MLLT10: variants seen among roughly 807,000 people sequenced by gnomAD.
MLLT10 encodes the protein protein AF-10.
MLLT10 carries 30 observed loss-of-function variants against 129.1 expected under a neutral mutation model. That is an observed-to-expected ratio of 0.23 (90% confidence interval 0.17 to 0.32). The LOEUF (loss-of-function observed/expected upper bound fraction) is 0.32. Ranked by LOEUF, MLLT10 falls within the 10% of genes least tolerant of loss-of-function variation. The pLI is 1.00. For missense variants in MLLT10, 1,119 were observed against 1,268.3 expected, an observed-to-expected ratio of 0.88 and a Z score of 1.79; for synonymous variants, 490 against 446.4, an observed-to-expected ratio of 1.10 and a Z score of -1.23.
intron 5 of MLLT10, among the ~76,000 whole-genome samples, chr10:21,603,850 A>G (rs887381691): frequency 1.3e-5 from 2 of 149,366 alleles, no homozygotes; most frequent in Non-Finnish European, 1.5e-5. Context: ...TAATCACCCT[A>G]ATCTCTGCTG....
intron 3 of MLLT10, among the ~76,000 whole-genome samples, chr10:21,545,366 C>G (rs1005514787): frequency 6.6e-5 from 10 of 151,662 alleles, no homozygotes; most frequent in African/African-American, 2.2e-4. Context: ...ACAGAGACAA[C>G]TAGGTGTTCA....
In MLLT10 at chr10:21,552,793, C is replaced by A. The variant is rs190977786; in HGVS notation, c.240+13881C>A. ...TTTTATCTTCTTTTCTGTTTATTTT[C>A]TTCTTCCTCTTCTTTCCGTCTCCTC... On this transcript the variant is annotated intron_variant, in intron 3 of 22. Coordinates refer to ENST00000307729, the MANE Select transcript of MLLT10 (RefSeq NM_001195626.3). Among the ~76,000 whole-genome samples the A allele has an allele frequency of 7.9e-5, 12 of 151,754 alleles. No homozygotes were observed. The East Asian group carries it at 2.3e-3, about 29-fold the overall frequency.
intron 3 of MLLT10, among the ~76,000 whole-genome samples, chr10:21,568,454 C>T (rs1163075142): frequency 1.3e-5 from 2 of 152,130 alleles, no homozygotes; most frequent in African/African-American, 4.8e-5. Flanking sequence ...TTGACTTCTG[C>T]TCTGATCTTT....
chr10:21,675,790 C>T (rs1464552912), intron 11 of MLLT10, among the ~76,000 whole-genome samples: 1 of 152,088 alleles, frequency 6.6e-6, no homozygotes, highest in Non-Finnish European at 1.5e-5. Flanking sequence ...GAAGCATAGT[C>T]TGGGAATTCC....
chr10:21,693,443 C>T (rs918916693), intron 13 of MLLT10, among the ~76,000 whole-genome samples: 5 of 151,846 alleles, frequency 3.3e-5, no homozygotes, highest in African/African-American at 2.4e-5. Flanking sequence ...TTTCATCAAT[C>T]GTGCTCTTAG....
At chr10:21,657,861 A>C (rs1185280677) in intron 9 of MLLT10, among the ~76,000 whole-genome samples, 1 of 152,142 alleles carries the variant, frequency 6.6e-6, no homozygotes, top group East Asian at 1.9e-4. Context: ...TGGTAAAATA[A>C]GTTAATTTTT....
chr10:21,603,034 T>C (rs368836716), intron 5 of MLLT10, among the ~76,000 whole-genome samples: 5 of 151,512 alleles, frequency 3.3e-5, no homozygotes, highest in Admixed American at 6.6e-5. Context: ...GCCCGGCCTA[T>C]CTTAACTCTT....
At chr10:21,556,404 T>G (rs1302499394) in intron 3 of MLLT10, among the ~76,000 whole-genome samples, 2 of 152,198 alleles carry the variant, frequency 1.3e-5, no homozygotes, top group African/African-American at 4.8e-5. Context: ...GATCACCTGT[T>G]TGGGGTTGAC....
At chr10:21,709,439 C>CA (rs1432353382) in intron 13 of MLLT10, among the ~76,000 whole-genome samples, 1 of 152,160 alleles carries the variant, frequency 6.6e-6, no homozygotes, top group East Asian at 1.9e-4. Flanking sequence ...CCATGTTGGC[C>CA]AGGCTGGTCT....
At position 21,626,065 on chromosome 10, in the gene MLLT10, C is replaced by T. The variant is rs529235291; in HGVS notation, c.699+8858C>T. 19 of 1,509,182 alleles carry T rather than the reference C, an allele frequency of 1.3e-5. No individual in the cohort carries two copies. The African/African-American group carries it at 2.5e-4, about 20-fold the overall frequency. The allele number at this position is 1,509,182 out of a possible 1,614,324, so 93.5% of individuals were successfully genotyped here. A position where few individuals can be genotyped will look rare whatever the true frequency, so the allele number is the denominator to read the frequency against. On this transcript the variant is annotated intron_variant, in intron 8 of 22. Coordinates refer to ENST00000307729, the MANE Select transcript of MLLT10 (RefSeq NM_001195626.3). Reference sequence around the variant, plus strand: ...CATTTCTCTCAAGCAAGGCCTTGATCTTCACTTCATCAGGTCCCTTTGTGG... The same window carrying T: ...CATTTCTCTCAAGCAAGGCCTTGATTTTCACTTCATCAGGTCCCTTTGTGG...
intron 8 of MLLT10, 63 bp from the exon 9 acceptor site, chr10:21,651,608 ATC>A: frequency 1.9e-6 from 2 of 1,064,360 alleles, no homozygotes; most frequent in Non-Finnish European, 2.8e-6. Context: ...TTATAAAAAA[ATC>A]TCTGTTGCAT....
intron 13 of MLLT10, among the ~76,000 whole-genome samples, chr10:21,697,135 A>C (rs1589694942): frequency 1.4e-5 from 2 of 138,354 alleles, no homozygotes; most frequent in South Asian, 4.9e-4. Flanking sequence ...GGGAGAATTT[A>C]TTAGGTGTGT....
chr10:21,592,546 C>G (rs1022049697), intron 4 of MLLT10, among the ~76,000 whole-genome samples: 3 of 152,046 alleles, frequency 2.0e-5, no homozygotes, highest in Non-Finnish European at 2.9e-5. Flanking sequence ...GGCTCCACCC[C>G]CCGGGGTTCA....
At chr10:21,634,738 A>C (rs899200781) in intron 8 of MLLT10, among the ~76,000 whole-genome samples, 1 of 152,174 alleles carries the variant, frequency 6.6e-6, no homozygotes, top group Non-Finnish European at 1.5e-5. Flanking sequence ...CCATCCATTC[A>C]CTAATCTCTC....
Position 21,732,912 on chromosome 10 carries a change from G to GA in MLLT10, c.2234dup (p.Ser746ValfsTer8). On this transcript the variant is annotated frameshift_variant, in exon 18 of 23. Coordinates refer to ENST00000307729, the MANE Select transcript of MLLT10 (RefSeq NM_001195626.3). LOFTEE classifies it high-confidence loss of function. The stretch of plus-strand genomic sequence containing the variant: ...AATGTGTGGTAGTTTTAGGAATGCT[G>GA]AAGTCATTACACCAACTTCAAGTTG... 6.2e-7 allele frequency: 1 copy of GA among 1,613,598 alleles called. No individual in the cohort carries two copies. Among genetic ancestry groups the GA allele is most frequent in the Non-Finnish European group, 8.5e-7 (1 of 1,179,832 alleles).
Position 21,673,707 on chromosome 10 carries a change from G to A in MLLT10, c.1409G>A (p.Gly470Glu), listed in dbSNP as rs1379804284. The A allele has an allele frequency of 5.0e-6, 8 of 1,613,974 alleles. No individual in the cohort carries two copies. Among genetic ancestry groups the A allele is most frequent in the Non-Finnish European group, 6.8e-6 (8 of 1,180,020 alleles). Residue 470 changes from glycine (G) to glutamate (E), a missense_variant, in exon 11 of 23, where the codon GGA (glycine) becomes GAA (glutamate). Gly to Glu is a moderately conservative substitution (Grantham distance 98, BLOSUM62 -2). Transcript: ENST00000307729. ...ACTGTAAAGGAAAAGAAAAGGAAAG[G>A]AAATAAACAAAGTAAGCATGGGCCT... The part of the protein sequence containing the change: ...EETVKEKKRK[G>E]NKQSKHGPGR...
chr10:21,712,742 C>T (rs1439875128), intron 13 of MLLT10, among the ~76,000 whole-genome samples: 1 of 152,148 alleles, frequency 6.6e-6, no homozygotes, highest in Non-Finnish European at 1.5e-5. Context: ...CCATTGGATG[C>T]CAGTAGCACC....
intron 4 of MLLT10, among the ~76,000 whole-genome samples, chr10:21,593,651 G>A (rs1162732073): frequency 1.3e-5 from 2 of 151,982 alleles, no homozygotes; most frequent in Non-Finnish European, 2.9e-5. Flanking sequence ...TTTAGGCTGG[G>A]TGTGGTAGCT....
intron 5 of MLLT10, among the ~76,000 whole-genome samples, chr10:21,603,596 C>A (rs1164237619): frequency 2.0e-5 from 3 of 148,372 alleles, no homozygotes; most frequent in Non-Finnish European, 4.5e-5. Flanking sequence ...AACACATGAC[C>A]AGCTCATAGC....
Sources: allele counts gnomAD v4.1 joint callset (sites outside exome capture counted in the v4.1 genomes callset), GRCh38; gene constraint gnomAD v4.1.1; transcripts MANE v1.5; gene names NCBI Gene and HGNC (gene_info 2026-07-23, HGNC 2026-07-21).